ENPP6: variants seen among roughly 807,000 people sequenced by gnomAD.
ENPP6 encodes glycerophosphocholine cholinephosphodiesterase ENPP6.
ENPP6 carries 32 observed loss-of-function variants against 42.0 expected under a neutral mutation model. That is an observed-to-expected ratio of 0.76 (90% CI 0.58 to 1.02). The LOEUF (loss-of-function observed/expected upper bound fraction) is 1.02, where lower values mean the gene tolerates loss of function less well. Ranked by LOEUF, ENPP6 falls within the 50% of genes least tolerant of loss-of-function variation. The pLI, the probability that ENPP6 is intolerant of heterozygous loss-of-function variation, is 0.00. For missense variants in ENPP6, 552 were observed against 566.8 expected (o/e 0.97, Z 0.27); for synonymous variants, 213 against 216.0 (o/e 0.99, Z 0.12).
intron 2 of ENPP6, among the ~76,000 whole-genome samples, chr4:184,150,534 C>T (rs924408147): frequency 6.6e-6 from 1 of 152,196 alleles, no homozygotes; most frequent in Non-Finnish European, 1.5e-5. Flanking sequence ...CACATGAGTG[C>T]TCATTGGGCT....
At chr4:184,169,650 A>G (rs752384145) in intron 1 of ENPP6, among the ~76,000 whole-genome samples, 2 of 152,196 alleles carry the variant, frequency 1.3e-5, no homozygotes, top group South Asian at 2.1e-4. Context: ...GCACCAGTTG[A>G]GAGCCACTAT....
rs775993721 is a variant in ENPP6 at position 184,112,772 on chromosome 4, A to T, written c.893T>A (p.Val298Asp). The T allele has an allele frequency of 6.2e-7, 1 of 1,614,154 alleles. No individual in the cohort carries two copies. Among genetic ancestry groups the T allele is most frequent in the Non-Finnish European group, 8.5e-7 (1 of 1,180,016 alleles). ...GCTTGGGATGGCTTCTTTCTCGTAG[A>T]CAGTCATGTGTTCCACTGTGCTCAG... ...NKLSTVEHMT[V>D]YEKEAIPSRF... The change falls in exon 6 of 8, where the codon GTC (valine) becomes GAC (aspartate). Residue 298 changes from valine to aspartate, a missense_variant. Physicochemically the swap from Val to Asp is radical, Grantham distance 152 (BLOSUM62 -3). Coordinates refer to ENST00000296741, the MANE Select transcript of ENPP6 (RefSeq NM_153343.4).
chr4:184,150,869 G>C (rs1016508708), intron 2 of ENPP6, among the ~76,000 whole-genome samples: 1 of 152,214 alleles, frequency 6.6e-6, no homozygotes, highest in Non-Finnish European at 1.5e-5. Context: ...CACTGTAAAT[G>C]ATCTTAAGGC....
intron 1 of ENPP6, among the ~76,000 whole-genome samples, chr4:184,185,968 T>G (rs1732628424): frequency 6.6e-6 from 1 of 152,226 alleles, no homozygotes. Context: ...AGAGAATATC[T>G]TACCCTTACC....
At chr4:184,115,296 A>G (rs1293662605) in intron 5 of ENPP6, among the ~76,000 whole-genome samples, 1 of 152,074 alleles carries the variant, frequency 6.6e-6, no homozygotes, top group East Asian at 1.9e-4. Flanking sequence ...TCCTGCCCAG[A>G]TCAGTTTCAT....
chr4:184,185,729 T>C lies in ENPP6; in HGVS notation c.241+31850A>G, dbSNP rs192487353. 1.2e-3 allele frequency among the ~76,000 whole-genome samples: 186 copies of C among 152,308 alleles called. 1 individual carries two copies. Among genetic ancestry groups the C allele is most frequent in the African/African-American group, 4.2e-3 (174 of 41,558 alleles). On this transcript the variant is annotated intron_variant, in intron 1 of 7. Coordinates refer to ENST00000296741, the MANE Select transcript of ENPP6 (RefSeq NM_153343.4). ...GGGATTTTTAGGATTGCCAACATCA[T>C]GAAGGACCAAAATACAAAACAAAAA... is the stretch of plus-strand genomic sequence containing the variant.
chr4:184,207,973 T>G (rs998470445), intron 1 of ENPP6, among the ~76,000 whole-genome samples: 2 of 152,208 alleles, frequency 1.3e-5, no homozygotes, highest in Non-Finnish European at 2.9e-5. Flanking sequence ...CTTCCTATAC[T>G]GTCATATTGG....
chr4:184,174,375 A>G (rs946708400), intron 1 of ENPP6, among the ~76,000 whole-genome samples: 1 of 152,046 alleles, frequency 6.6e-6, no homozygotes, highest in Non-Finnish European at 1.5e-5. Context: ...CCAATCAATG[A>G]CAGAAGGAGA....
chr4:184,189,446 T>C (rs1028112970), intron 1 of ENPP6, among the ~76,000 whole-genome samples: 4 of 152,192 alleles, frequency 2.6e-5, no homozygotes, highest in Non-Finnish European at 1.5e-5. Flanking sequence ...GAAAGGGGTA[T>C]AGAAAGACTA....
At chr4:184,195,673 G>A (rs189479737) in intron 1 of ENPP6, among the ~76,000 whole-genome samples, 1 of 152,292 alleles carries the variant, frequency 6.6e-6, no homozygotes, top group East Asian at 1.9e-4. Flanking sequence ...CCTGATATAA[G>A]TGGAATCATA....
chr4:184,090,060 G>A lies in ENPP6; in HGVS notation c.*1117C>T, dbSNP rs1735760595. 1 of 152,076 alleles carries A rather than the reference G, an allele frequency of 6.6e-6. No individual in the cohort carries two copies. Among genetic ancestry groups the A allele is most frequent in the African/African-American group, 2.4e-5 (1 of 41,392 alleles). The allele number at this position is 152,076 out of a possible 1,614,324, so 9.4% of individuals were successfully genotyped here. ...AGTGACTGGGACTCTGCTCCATCATGCTCTCTCCATTCTCCACCCAGCACC... is the reference window on the plus strand; with the variant it reads ...AGTGACTGGGACTCTGCTCCATCATACTCTCTCCATTCTCCACCCAGCACC... On this transcript the variant is annotated 3_prime_UTR_variant, in exon 8 of 8. Transcript: ENST00000296741.
At chr4:184,208,996 G>A (rs13127976) in intron 1 of ENPP6, among the ~76,000 whole-genome samples, 110,603 of 136,906 alleles carry the variant, frequency 0.81, 45,278 homozygotes, top group Admixed American at 0.86. Context: ...CACACGGCAG[G>A]GTATTCCAAC....
chr4:184,197,525 G>A (rs1227909054), intron 1 of ENPP6, among the ~76,000 whole-genome samples: 1 of 152,228 alleles, frequency 6.6e-6, no homozygotes, highest in Non-Finnish European at 1.5e-5. Context: ...GCTGGCCCCG[G>A]CTTGGAAACC....
At position 184,132,320 on chromosome 4, in the gene ENPP6, T is replaced by C. The variant is rs931306257; in HGVS notation, c.422-8048A>G. On this transcript the variant is annotated intron_variant, in intron 2 of 7. Coordinates refer to ENST00000296741, the MANE Select transcript of ENPP6 (RefSeq NM_153343.4). ...TTTTTTTTTTGCTACCAAGGCTGAG[T>C]GTCTTTACATATGTTTATTGACCAT... Among the ~76,000 whole-genome samples, 7 of 152,304 alleles carry C rather than the reference T, an allele frequency of 4.6e-5. No homozygotes were observed. In the East Asian group the frequency reaches 9.7e-4, roughly 21 times the overall value.
chr4:184,150,412 C>T (rs998782328), intron 2 of ENPP6, among the ~76,000 whole-genome samples: 4 of 152,184 alleles, frequency 2.6e-5, no homozygotes, highest in Admixed American at 6.5e-5. Context: ...ACCGAGAGGT[C>T]TGTACAATAT....
At chr4:184,199,413 C>A (rs1313342801) in intron 1 of ENPP6, among the ~76,000 whole-genome samples, 1 of 152,220 alleles carries the variant, frequency 6.6e-6, no homozygotes, top group Non-Finnish European at 1.5e-5. Flanking sequence ...GGTTTTCTCC[C>A]AAACATTTAC....
intron 1 of ENPP6, among the ~76,000 whole-genome samples, chr4:184,170,761 C>T (rs182733029): frequency 4.3e-4 from 65 of 152,336 alleles, no homozygotes; most frequent in African/African-American, 1.5e-3. Context: ...CTTGCTCTCG[C>T]GTCACGCCAT....
chr4:184,143,476 C>G (rs1367019487), intron 2 of ENPP6, among the ~76,000 whole-genome samples: 2 of 152,344 alleles, frequency 1.3e-5, no homozygotes, highest in East Asian at 3.9e-4. Context: ...GTCCTGTGCC[C>G]TTGTCAATCA....
At chr4:184,197,735 A>G (rs1003945737) in intron 1 of ENPP6, among the ~76,000 whole-genome samples, 2 of 152,216 alleles carry the variant, frequency 1.3e-5, no homozygotes, top group Non-Finnish European at 2.9e-5. Flanking sequence ...TCATTCATAT[A>G]GTTTTAGTGT....
Sources: allele counts gnomAD v4.1 joint callset (sites outside exome capture counted in the v4.1 genomes callset), GRCh38; gene constraint gnomAD v4.1.1; transcripts MANE v1.5; gene names NCBI Gene and HGNC (gene_info 2026-07-23, HGNC 2026-07-21).